CCDC91: variants seen among roughly 807,000 people sequenced by gnomAD.
CCDC91 encodes the protein coiled-coil domain-containing protein 91.
In CCDC91, 48 loss-of-function variants were observed where a neutral mutation model predicts 63.2. The ratio of observed to expected loss-of-function variants is 0.76; its 90% CI spans 0.60 to 0.97. The LOEUF (loss-of-function observed/expected upper bound fraction) is 0.97. CCDC91 is among the 50% of genes least tolerant of loss of function. CCDC91 has a pLI of 0.00. For missense variants in CCDC91, 500 were observed against 494.6 expected (o/e 1.01, Z -0.10); for synonymous variants, 167 against 165.8 (o/e 1.01, Z -0.06).
At chr12:28,487,660 T>A (rs1008219491) in intron 12 of CCDC91, among the ~76,000 whole-genome samples, 3 of 151,478 alleles carry the variant, frequency 2.0e-5, no homozygotes, top group African/African-American at 7.3e-5. Flanking sequence ...TTTTTTTTTT[T>A]AAACTAAAGA....
intron 1 of CCDC91, among the ~76,000 whole-genome samples, chr12:28,199,521 T>C (rs1325258832): frequency 6.6e-6 from 1 of 152,190 alleles, no homozygotes; most frequent in Non-Finnish European, 1.5e-5. Context: ...TTTACCTATG[T>C]AGTTATCTTT....
At position 28,424,747 on chromosome 12, in the gene CCDC91, C is replaced by T. The variant is rs554947854; in HGVS notation, c.763-25414C>T. Reference sequence around the variant, plus strand: ...ATATTGTCTTTAGCTAAACAATATCCCGAATTTTCATGTAATCCAATTCAT... The same window carrying T: ...ATATTGTCTTTAGCTAAACAATATCTCGAATTTTCATGTAATCCAATTCAT... On this transcript the variant is annotated intron_variant, in intron 8 of 12. Coordinates refer to ENST00000536442, the MANE Select transcript of CCDC91 (RefSeq NM_018318.5). 4.8e-4 allele frequency among the ~76,000 whole-genome samples: 73 copies of T among 152,186 alleles called. 1 individual carries two copies. Among genetic ancestry groups the T allele is most frequent in the Admixed American group, 1.8e-3 (28 of 15,270 alleles).
chr12:28,321,437 G>A (rs1940489113), intron 6 of CCDC91, among the ~76,000 whole-genome samples: 2 of 151,910 alleles, frequency 1.3e-5, no homozygotes, highest in Admixed American at 6.6e-5. Flanking sequence ...ACTGAAATGT[G>A]TGGTTTGTAG....
At chr12:28,374,230 TG>T (rs1944805474) in intron 7 of CCDC91, among the ~76,000 whole-genome samples, 1 of 152,148 alleles carries the variant, frequency 6.6e-6, no homozygotes, top group African/African-American at 2.4e-5. Flanking sequence ...ATTTCAAAAA[TG>T]ATTATCCTGA....
intron 12 of CCDC91, among the ~76,000 whole-genome samples, chr12:28,516,963 T>A (rs1940018403): frequency 6.6e-6 from 1 of 151,966 alleles, no homozygotes; most frequent in Non-Finnish European, 1.5e-5. Flanking sequence ...CACTAGTCAG[T>A]CATGCAAACT....
intron 3 of CCDC91, among the ~76,000 whole-genome samples, chr12:28,280,918 A>G (rs907912158): frequency 6.6e-6 from 1 of 151,788 alleles, no homozygotes; most frequent in African/African-American, 2.4e-5. Flanking sequence ...TGGAGACTGC[A>G]GTCAGCCATG....
intron 8 of CCDC91, among the ~76,000 whole-genome samples, chr12:28,416,497 T>A (rs983941909): frequency 2.6e-5 from 4 of 152,132 alleles, no homozygotes; most frequent in Non-Finnish European, 5.9e-5. Flanking sequence ...CAAGAGGGGA[T>A]GTATCGGCAA....
At position 28,458,789 on chromosome 12, in the gene CCDC91, C is replaced by G. The variant is rs140408472; in HGVS notation, c.1101+6135C>G. On this transcript the variant is annotated intron_variant, in intron 11 of 12. Transcript: ENST00000536442. ...CTGAAAAATAATCCTTAAACATATA[C>G]ACTTACTTCAAACCTGTTATCTTTG... Among the ~76,000 whole-genome samples, 423 of 152,130 alleles carry G rather than the reference C, an allele frequency of 2.8e-3. 3 individuals are homozygous for G. Among genetic ancestry groups the G allele is most frequent in the African/African-American group, 9.8e-3 (407 of 41,486 alleles).
At chr12:28,228,744 T>C (rs983136547) in intron 1 of CCDC91, among the ~76,000 whole-genome samples, 4 of 152,084 alleles carry the variant, frequency 2.6e-5, no homozygotes, top group Admixed American at 6.5e-5. Flanking sequence ...ATTTCAGAAG[T>C]CTCTTGGTTG....
intron 8 of CCDC91, among the ~76,000 whole-genome samples, chr12:28,435,861 CTTTTTATCCCTGATAA>C (rs1948876577): frequency 6.6e-6 from 1 of 151,616 alleles, no homozygotes; most frequent in Non-Finnish European, 1.5e-5. Context: ...TGTAATGTTC[CTTTTTATCCCTGATAA>C]TTTATTTTGT....
chr12:28,455,104 A>G (rs1461327623), intron 11 of CCDC91, among the ~76,000 whole-genome samples: 5 of 152,130 alleles, frequency 3.3e-5, no homozygotes, highest in African/African-American at 1.2e-4. Flanking sequence ...AAATTATGCT[A>G]GTTGTAAAAT....
intron 1 of CCDC91, among the ~76,000 whole-genome samples, chr12:28,254,794 G>A (rs982910649): frequency 8.1e-6 from 1 of 123,238 alleles, no homozygotes; most frequent in African/African-American, 2.9e-5. Context: ...TTTTTTTGAT[G>A]GAGTTTCACT....
rs1436863593 is a variant in CCDC91, at chr12:28,307,757, G to A, written c.576+8G>A. On this transcript the variant is annotated splice_region_variant and intron_variant, in intron 6 of 12. Coordinates refer to ENST00000536442, the MANE Select transcript of CCDC91 (RefSeq NM_018318.5). The stretch of plus-strand genomic sequence containing the variant: ...AGATACAAAGAACTTCAGGTAAGGC[G>A]ATTGAACTTAAGATTTAAAATGTAA... 3.5e-6 allele frequency: 5 copies of A among 1,416,852 alleles called. No homozygotes were observed. The highest frequency in any genetic ancestry group is 2.3e-5 in the East Asian group (1 of 43,320). The allele number at this position is 1,416,852 out of a possible 1,614,324, so 87.8% of individuals were successfully genotyped here.
chr12:28,247,651 C>T (rs1432312915), intron 1 of CCDC91, among the ~76,000 whole-genome samples: 2 of 152,046 alleles, frequency 1.3e-5, no homozygotes, highest in African/African-American at 4.8e-5. Context: ...ATGCTATAAA[C>T]TAGATGAAAG....
chr12:28,513,442 T>C (rs2141308109), intron 12 of CCDC91, among the ~76,000 whole-genome samples: 1 of 152,014 alleles, frequency 6.6e-6, no homozygotes, highest in African/African-American at 2.4e-5. Flanking sequence ...TTTTGAGCAC[T>C]GACATATGTT....
intron 12 of CCDC91, among the ~76,000 whole-genome samples, chr12:28,490,620 TGAAA>T (rs931619119): frequency 2.6e-5 from 4 of 151,838 alleles, no homozygotes; most frequent in Non-Finnish European, 5.9e-5. Flanking sequence ...AAATTTGATG[TGAAA>T]GAGAGGTTAG....
chr12:28,298,997 A>T lies in CCDC91; in HGVS notation c.110-6652A>T, dbSNP rs570434563. Among the ~76,000 whole-genome samples the T allele has an allele frequency of 5.3e-5, 8 of 151,694 alleles. No individual in the cohort carries two copies. The East Asian group carries it at 1.5e-3, about 29-fold the overall frequency. On this transcript the variant is annotated intron_variant, in intron 3 of 12. Coordinates refer to ENST00000536442, the MANE Select transcript of CCDC91 (RefSeq NM_018318.5). Reference sequence around the variant, plus strand: ...TTATGTCAGTATTTAGGTTGTTGCCACTTGTTTGCTGTTATGAACAGTAAC... The same window carrying T: ...TTATGTCAGTATTTAGGTTGTTGCCTCTTGTTTGCTGTTATGAACAGTAAC...
At chr12:28,407,358 A>T (rs762150749) in intron 8 of CCDC91, among the ~76,000 whole-genome samples, 6 of 152,058 alleles carry the variant, frequency 3.9e-5, no homozygotes, top group Non-Finnish European at 7.4e-5. Flanking sequence ...CTATCACTTG[A>T]TTCTCTATTC....
intron 7 of CCDC91, among the ~76,000 whole-genome samples, chr12:28,374,578 C>G (rs1944829208): frequency 6.6e-6 from 1 of 152,170 alleles, no homozygotes; most frequent in African/African-American, 2.4e-5. Context: ...TTTTTATTAG[C>G]AATATCTTAT....
Sources: gnomAD v4.1 joint callset for allele counts (sites outside exome capture counted in the v4.1 genomes callset) on GRCh38, gnomAD v4.1.1 for gene constraint, MANE v1.5 for transcripts, NCBI Gene and HGNC (gene_info 2026-07-23, HGNC 2026-07-21) for gene names.